Variants in GALNT9 observed in about 807,000 individuals in gnomAD.
GALNT9 encodes the protein polypeptide N-acetylgalactosaminyltransferase 9.
A neutral mutation model predicts 63.1 loss-of-function variants in GALNT9; 47 were observed. That is an observed-to-expected ratio of 0.75 (90% CI 0.59 to 0.95). The LOEUF is 0.95. GALNT9 is among the 40% of genes least tolerant of loss of function. GALNT9 has a pLI of 0.00. For synonymous variants in GALNT9, 396 were observed against 365.7 expected (o/e 1.08, Z -0.94); for missense variants, 829 against 874.8 (o/e 0.95, Z 0.66).
At chr12:132,268,855 T>TGAC (rs1879755971) in intron 2 of GALNT9, among the ~76,000 whole-genome samples, 1 of 152,096 alleles carries the variant, frequency 6.6e-6, no homozygotes, top group African/African-American at 2.4e-5. Flanking sequence ...CCGGAAAGGC[T>TGAC]GACGTGCAGC....
At chr12:132,208,002 C>T (rs1236678451) in intron 6 of GALNT9, among the ~76,000 whole-genome samples, 3 of 152,128 alleles carry the variant, frequency 2.0e-5, no homozygotes, top group Non-Finnish European at 2.9e-5. Flanking sequence ...AGTTAATGAC[C>T]GTGTAGTTTT....
At position 132,216,109 on chromosome 12, in the gene GALNT9, CAG is replaced by C. The variant is rs561521374; in HGVS notation, c.1078-12421_1078-12420del. Among the ~76,000 whole-genome samples, 334 of 152,026 alleles carry C rather than the reference CAG, an allele frequency of 2.2e-3. 1 individual carries two copies. Among genetic ancestry groups the C allele is most frequent in the Non-Finnish European group, 3.4e-3 (229 of 67,998 alleles). Reference sequence around the variant, plus strand: ...ACACAGAAACAGAGACAGAAAGATACAGAGACACAGAAACAGAGACAGAAAGA... The same window carrying C: ...ACACAGAAACAGAGACAGAAAGATACAGACACAGAAACAGAGACAGAAAGA... On this transcript the variant is annotated intron_variant, in intron 6 of 10. Coordinates refer to ENST00000328957, the MANE Select transcript of GALNT9 (RefSeq NM_001122636.2).
intron 1 of GALNT9, among the ~76,000 whole-genome samples, chr12:132,320,116 A>G (rs1479446480): frequency 6.6e-6 from 1 of 152,276 alleles, no homozygotes; most frequent in South Asian, 2.1e-4. Context: ...CTGCTCCTGC[A>G]GCGACATCCC....
chr12:132,259,612 C>G (rs184005943), intron 4 of GALNT9, among the ~76,000 whole-genome samples: 3 of 152,292 alleles, frequency 2.0e-5, no homozygotes, highest in Admixed American at 2.0e-4. Flanking sequence ...CAAGTCCCCA[C>G]TTGAACCCAC....
In GALNT9 at chr12:132,246,691, C is replaced by T. The variant is rs1293130376; in HGVS notation, c.1077+1219G>A. Among the ~76,000 whole-genome samples, 1 of 152,132 alleles carries T rather than the reference C, an allele frequency of 6.6e-6. No individual in the cohort carries two copies. The highest frequency in any genetic ancestry group is 1.5e-5 in the Non-Finnish European group (1 of 68,034). ...GGGATTATAGGCATGCACCACCATG[C>T]CTGGTTAATTTTTGTATTTTTAGTA... On this transcript the variant is annotated intron_variant, in intron 6 of 10. Transcript: ENST00000328957. The surrounding 1 kb of genome is among the most constrained non-coding windows in gnomAD (Gnocchi z 4.7).
intron 6 of GALNT9, among the ~76,000 whole-genome samples, chr12:132,225,771 C>T (rs1877649380): frequency 6.9e-6 from 1 of 145,108 alleles, no homozygotes; most frequent in Non-Finnish European, 1.5e-5. Flanking sequence ...ACTACACACG[C>T]TGTATACACC....
intron 4 of GALNT9, among the ~76,000 whole-genome samples, chr12:132,260,103 GT>G (rs1555239580): frequency 2.0e-5 from 3 of 151,390 alleles, no homozygotes; most frequent in Admixed American, 6.6e-5. Context: ...TGGCTTTGGG[GT>G]TTGCCTGGGG....
In GALNT9 at chr12:132,310,146, C is replaced by A. The variant is rs959985066; in HGVS notation, c.238+18820G>T. On this transcript the variant is annotated intron_variant, in intron 1 of 10. Transcript: ENST00000328957. This position sits in a 1 kb window ranked among gnomAD's most constrained non-coding sequence, Gnocchi z 4.8. ...CAGGACTCAATGCTCGGGGCTGGAG[C>A]AGCCAATGTGTGACCATGAGACCGA... Among the ~76,000 whole-genome samples the A allele has an allele frequency of 6.6e-6, 1 of 152,250 alleles. No homozygotes were observed. Among genetic ancestry groups the A allele is most frequent in the Non-Finnish European group, 1.5e-5 (1 of 68,050 alleles).
chr12:132,230,981 C>T (rs924647266), intron 6 of GALNT9, among the ~76,000 whole-genome samples: 31 of 152,008 alleles, frequency 2.0e-4, no homozygotes, highest in African/African-American at 6.0e-4. Context: ...GCCACACACT[C>T]GATGGAGTGA....
In GALNT9 at chr12:132,207,911, AC is replaced by A. The variant is rs775882098; in HGVS notation, c.1078-4222del. On this transcript the variant is annotated intron_variant, in intron 6 of 10. Coordinates refer to ENST00000328957, the MANE Select transcript of GALNT9 (RefSeq NM_001122636.2). ...ACAGGGAAAGAACAAGACAGCCCCC[AC>A]CCCCCACCACGACTCCTCGCGCAAG... Among the ~76,000 whole-genome samples, 12 of 150,144 alleles carry A rather than the reference AC, an allele frequency of 8.0e-5. No homozygotes were observed. In the South Asian group the frequency reaches 2.3e-3, roughly 29 times the overall value.
intron 6 of GALNT9, among the ~76,000 whole-genome samples, chr12:132,237,239 G>C (rs1044020493): frequency 1.3e-5 from 2 of 152,068 alleles, no homozygotes; most frequent in African/African-American, 2.4e-5. Flanking sequence ...GCTGCCCCAG[G>C]CCACCTGATC....
At position 132,315,928 on chromosome 12, in the gene GALNT9, G is replaced by C. The variant is rs938743647; in HGVS notation, c.238+13038C>G. ...ATGGGGACTTGGAGCATGAGAAAGC[G>C]GACAGCCTCTGGCCCTGAGAACAGT... is the stretch of plus-strand genomic sequence containing the variant. On this transcript the variant is annotated intron_variant, in intron 1 of 10. Transcript: ENST00000328957. This position sits in a 1 kb window ranked among gnomAD's most constrained non-coding sequence, Gnocchi z 6.1. 6.6e-6 allele frequency among the ~76,000 whole-genome samples: 1 copy of C among 152,204 alleles called. No individual in the cohort carries two copies. Among genetic ancestry groups the C allele is most frequent in the Non-Finnish European group, 1.5e-5 (1 of 68,030 alleles).
chr12:132,321,681 C>T (rs894253238), intron 1 of GALNT9, among the ~76,000 whole-genome samples: 23 of 152,264 alleles, frequency 1.5e-4, no homozygotes, highest in Admixed American at 7.2e-4. Context: ...AGCTCCTTCT[C>T]CTCATTCACA....
intron 2 of GALNT9, chr12:132,283,914 G>A (rs1298232659): frequency 4.6e-5 from 7 of 152,150 alleles, no homozygotes; most frequent in African/African-American, 1.7e-4. Flanking sequence ...AGCAAGTTGT[G>A]GACCGTCAAG....
intron 1 of GALNT9, among the ~76,000 whole-genome samples, chr12:132,290,934 G>A (rs1350740506): frequency 2.8e-4 from 8 of 29,082 alleles, no homozygotes; most frequent in African/African-American, 4.1e-4. Flanking sequence ...GAGCACCCAC[G>A]TCCACACCAC....
rs533401552 is a variant in GALNT9, at chr12:132,211,173, A to G, written c.1078-7483T>C. ...CATTCACCTGACTTCTCGCCAACCA[A>G]CTACCGCTTCTGCAAGCCTCTCGAC... On this transcript the variant is annotated intron_variant, in intron 6 of 10. Transcript: ENST00000328957. Among the ~76,000 whole-genome samples, 95 of 152,124 alleles carry G rather than the reference A, an allele frequency of 6.2e-4. 5 individuals carry two copies. The South Asian group carries it at 0.02, about 32-fold the overall frequency.
chr12:132,211,576 A>G (rs1432745326), intron 6 of GALNT9, among the ~76,000 whole-genome samples: 1 of 151,484 alleles, frequency 6.6e-6, no homozygotes, highest in Non-Finnish European at 1.5e-5. Flanking sequence ...TGATCCGCTC[A>G]CTCCGTCCAC....
rs1407672584 is a variant in GALNT9, at chr12:132,246,325, C to A, written c.1077+1585G>T. Among the ~76,000 whole-genome samples the A allele has an allele frequency of 6.6e-6, 1 of 152,204 alleles. No homozygotes were observed. The highest frequency in any genetic ancestry group is 1.5e-5 in the Non-Finnish European group (1 of 68,052). ...TAAAGGCACCTGCAAACAGTCCTGACATCCTTCACAGATCTGGTCTCAATT... is the reference window on the plus strand; with the variant it reads ...TAAAGGCACCTGCAAACAGTCCTGAAATCCTTCACAGATCTGGTCTCAATT... On this transcript the variant is annotated intron_variant, in intron 6 of 10. Coordinates refer to ENST00000328957, the MANE Select transcript of GALNT9 (RefSeq NM_001122636.2). The surrounding 1 kb of genome is among the most constrained non-coding windows in gnomAD (Gnocchi z 4.7).
At position 132,199,754 on chromosome 12, in the gene GALNT9, C is replaced by T. The variant is rs145293262; in HGVS notation, c.1402-485G>A. Among the ~76,000 whole-genome samples the T allele has an allele frequency of 8.6e-3, 1,305 of 152,332 alleles. 15 individuals are homozygous for T. The highest frequency in any genetic ancestry group is 0.028 in the African/African-American group (1,178 of 41,570). ...AGACTGCTGGGGGATGTGTTGTCAT[C>T]GGGCAGCCAACCTCCAGCCTCCAGA... is the stretch of plus-strand genomic sequence containing the variant. On this transcript the variant is annotated intron_variant, in intron 8 of 10. Transcript: ENST00000328957.
Sources: allele counts gnomAD v4.1 joint callset (sites outside exome capture counted in the v4.1 genomes callset), GRCh38; gene constraint gnomAD v4.1.1; non-coding constraint Gnocchi (gnomAD v3.1); transcripts MANE v1.5; gene names NCBI Gene and HGNC (gene_info 2026-07-23, HGNC 2026-07-21).